ZNF334: variants seen among roughly 807,000 people sequenced by gnomAD.
The protein encoded by ZNF334 is zinc finger protein 334.
Under a neutral mutation model 12.4 loss-of-function variants are expected in ZNF334, and 14 were observed. The ratio of observed to expected loss-of-function variants is 1.13; its 90% CI spans 0.74 to 1.76. The LOEUF (loss-of-function observed/expected upper bound fraction) is 1.76. Among genes scored for constraint, ZNF334 ranks in the 40% most tolerant of loss-of-function variants. The pLI is 0.00. For missense variants in ZNF334, 797 were observed against 804.5 expected (o/e 0.99, Z 0.11); for synonymous variants, 273 against 269.6 (o/e 1.01, Z -0.12).
At chr20:46,491,742 A>C in the ZNF334 span, 1 of 152,986 alleles carries the variant, frequency 6.5e-6, no homozygotes, top group Non-Finnish European at 1.5e-5. Flanking sequence ...AGACCTTACC[A>C]ATGTACGACT....
Position 46,503,020 on chromosome 20 carries a change from T to A in ZNF334, c.319A>T (p.Thr107Ser). 1 of 1,613,890 alleles carries A rather than the reference T, an allele frequency of 6.2e-7. No individual in the cohort carries two copies. The highest frequency in any genetic ancestry group is 8.5e-7 in the Non-Finnish European group (1 of 1,179,918). The change falls in exon 5 of 5, where the codon ACA (threonine) becomes TCA (serine). Residue 107 changes from threonine to serine, a missense_variant. Thr to Ser is a moderately conservative substitution (Grantham distance 58, BLOSUM62 1). Transcript: ENST00000692313. ...LTQTVFFSNKTLITERENVFG... is the reference protein window; with the variant it reads ...LTQTVFFSNKSLITERENVFG... ...ACATTCTCTCTTTCTGTAATCAGTG[T>A]TTTGTTGCTGAAGAATACAGTTTGT...
At chr20:46,506,390 T>C (rs898769973) in intron 2 of ZNF334, 5 of 530,788 alleles carry the variant, frequency 9.4e-6, no homozygotes, top group African/African-American at 6.0e-5. Context: ...CTCTGAGAGG[T>C]TGAGGTAGGC....
At chr20:46,488,882 G>C in the ZNF334 span, among the ~76,000 whole-genome samples, 1 of 149,350 alleles carries the variant, frequency 6.7e-6, no homozygotes, top group South Asian at 2.1e-4. Context: ...TGAGAAATCT[G>C]ATGTCATCTT....
intron 2 of ZNF334, among the ~76,000 whole-genome samples, chr20:46,510,204 C>T (rs1166393534): frequency 6.6e-6 from 1 of 151,994 alleles, no homozygotes; most frequent in East Asian, 1.9e-4. Context: ...GACATGATCA[C>T]GTTGGCATTT....
chr20:46,490,767 T>C, the ZNF334 span: 1 of 152,232 alleles, frequency 6.6e-6, no homozygotes, highest in Non-Finnish European at 1.5e-5. Flanking sequence ...GCTTTCCTAA[T>C]TAACTTGATG....
intron 3 of ZNF334, 145 bp from the exon 4 acceptor site, chr20:46,504,451 G>C: frequency 8.8e-7 from 1 of 1,134,588 alleles, no homozygotes; most frequent in Non-Finnish European, 1.3e-6. Context: ...GTGAAGGGTA[G>C]GGGAAGGGCA....
At chr20:46,477,016 G>A in the ZNF334 span, 2 of 152,178 alleles carry the variant, frequency 1.3e-5, 1 homozygote, top group Admixed American at 1.3e-4. Flanking sequence ...AATAATTCAT[G>A]CTGGTACAGT....
rs2061702439 is a variant in ZNF334, at chr20:46,512,879, A to C, written c.-378T>G. 6.6e-6 allele frequency: 1 copy of C among 151,640 alleles called. No homozygotes were observed. Among genetic ancestry groups the C allele is most frequent in the Admixed American group, 6.6e-5 (1 of 15,228 alleles). The allele number at this position is 151,640 out of a possible 1,614,324, so 9.4% of individuals were successfully genotyped here. A position where few individuals can be genotyped will look rare whatever the true frequency, so the allele number is the denominator to read the frequency against. ...CTATCGTGTAGCTCTGTAAGGGGTA[A>C]ACTCAGTAAATCCCAGGTGAGGTGA... On this transcript the variant is annotated 5_prime_UTR_variant, in exon 1 of 5. Transcript: ENST00000692313.
At chr20:46,495,693 C>A (rs1249685064), downstream of ZNF334, among the ~76,000 whole-genome samples, 1 of 152,174 alleles carries the variant, frequency 6.6e-6, no homozygotes, top group Admixed American at 6.5e-5. Flanking sequence ...TCTGTCTCCA[C>A]TGTGCATTCT....
chr20:46,471,558 T>A, the ZNF334 span, among the ~76,000 whole-genome samples: 1 of 152,250 alleles, frequency 6.6e-6, no homozygotes, highest in Non-Finnish European at 1.5e-5. Flanking sequence ...AATATTGTCC[T>A]ATTATATCAC....
chr20:46,490,661 C>T, the ZNF334 span, among the ~76,000 whole-genome samples: 14 of 152,214 alleles, frequency 9.2e-5, no homozygotes, highest in African/African-American at 2.6e-4. Context: ...CATTCTTGTA[C>T]GTGGAGAAAC....
chr20:46,486,766 C>T, the ZNF334 span, among the ~76,000 whole-genome samples: 4 of 152,180 alleles, frequency 2.6e-5, no homozygotes, highest in Non-Finnish European at 4.4e-5. Context: ...GAATTTTACA[C>T]TCCACCCACA....
downstream of ZNF334, chr20:46,496,743 G>A (rs2061033445): frequency 6.6e-6 from 1 of 152,292 alleles, no homozygotes; most frequent in Admixed American, 6.5e-5. Context: ...CTCAGTAGAT[G>A]AGCCTGTGGC....
At chr20:46,463,184 T>C in the ZNF334 span, among the ~76,000 whole-genome samples, 3 of 151,840 alleles carry the variant, frequency 2.0e-5, no homozygotes, top group South Asian at 6.3e-4. Context: ...GAGGGGGAGG[T>C]TGCAGTGAGC....
At chr20:46,468,053 T>A in the ZNF334 span, among the ~76,000 whole-genome samples, 16 of 152,240 alleles carry the variant, frequency 1.1e-4, no homozygotes, top group African/African-American at 3.6e-4. Flanking sequence ...GAGATCTGTA[T>A]GATATTGAAA....
At chr20:46,473,636 A>C in the ZNF334 span, among the ~76,000 whole-genome samples, 3 of 152,014 alleles carry the variant, frequency 2.0e-5, no homozygotes, top group Non-Finnish European at 4.4e-5. Context: ...TCAATCATGC[A>C]TTTAAAAATG....
the ZNF334 span, among the ~76,000 whole-genome samples, chr20:46,466,809 T>C: frequency 1.3e-5 from 2 of 152,304 alleles, no homozygotes; most frequent in African/African-American, 4.8e-5. Context: ...TAAATACACT[T>C]TTTGGCCTTT....
the ZNF334 span, among the ~76,000 whole-genome samples, chr20:46,493,521 C>T: frequency 7.8e-4 from 119 of 152,174 alleles, no homozygotes; most frequent in Non-Finnish European, 1.1e-3. Flanking sequence ...CAGTGGCTCA[C>T]GCCTGTAATC....
At chr20:46,485,644 G>A in the ZNF334 span, 1 of 152,070 alleles carries the variant, frequency 6.6e-6, no homozygotes, top group Non-Finnish European at 1.5e-5. Flanking sequence ...GCTGACATCA[G>A]GGAAGGCAGC....
Sources: allele counts gnomAD v4.1 joint callset (sites outside exome capture counted in the v4.1 genomes callset), GRCh38; gene constraint gnomAD v4.1.1; transcripts MANE v1.5; gene names NCBI Gene and HGNC (gene_info 2026-07-23, HGNC 2026-07-21).